The following FHDC1 variants were observed in gnomAD, a reference collection of about 807,000 sequenced individuals.
The protein encoded by FHDC1 is FH2 domain containing 1, also known as FH2 domain-containing protein 1.
FHDC1 carries 25 observed loss-of-function variants against 52.6 expected under a neutral mutation model. That is an observed-to-expected ratio of 0.48 (90% CI 0.35 to 0.66). The LOEUF (loss-of-function observed/expected upper bound fraction) is 0.66, where lower values mean the gene tolerates loss of function less well. FHDC1 is among the 30% of genes least tolerant of loss of function. The pLI, the probability that FHDC1 is intolerant of heterozygous loss-of-function variation, is 0.01. For missense variants in FHDC1, 1,459 were observed against 1,452.8 expected (o/e 1.00, Z -0.07); for synonymous variants, 616 against 581.5 (o/e 1.06, Z -0.85).
Position 152,968,214 on chromosome 4 carries a change from C to T in FHDC1, c.1218+117C>T. ...AGCAGTTCCCATTCATATTTTTTTT[C>T]TCCAAGTTAGTCAGAGGAACTTGGT... is the stretch of plus-strand genomic sequence containing the variant. On this transcript the variant is annotated intron_variant, in intron 10 of 11. Coordinates refer to ENST00000511601, the MANE Select transcript of FHDC1 (RefSeq NM_001371116.1). 4.2e-6 allele frequency: 3 copies of T among 707,978 alleles called. No homozygotes were observed. In the South Asian group the frequency reaches 5.6e-5, roughly 13 times the overall value. 43.9% of individuals were successfully genotyped at this position (707,978 alleles called of 1,614,324 possible).
At chr4:152,971,786 C>T (rs62319480) in intron 10 of FHDC1, among the ~76,000 whole-genome samples, 4,396 of 152,310 alleles carry the variant, frequency 0.029, 93 homozygotes, top group Non-Finnish European at 0.042. Context: ...GGGAGGAATA[C>T]AGGCATGGCC....
intron 11 of FHDC1, 118 bp downstream of exon 11, chr4:152,972,659 C>A: frequency 8.2e-7 from 1 of 1,213,906 alleles, no homozygotes; most frequent in Non-Finnish European, 1.1e-6. Context: ...TCGGGGACAT[C>A]TGGCCCAGGT....
intron 2 of FHDC1, 78 bp downstream of exon 2, chr4:152,943,633 A>T: frequency 6.8e-7 from 1 of 1,470,540 alleles, no homozygotes; most frequent in Non-Finnish European, 9.2e-7. Flanking sequence ...CATTTCAAAT[A>T]ATTGCTAGAC....
the FHDC1 span, among the ~76,000 whole-genome samples, chr4:152,923,706 A>G: frequency 4.6e-5 from 7 of 152,318 alleles, no homozygotes; most frequent in South Asian, 8.3e-4. Flanking sequence ...AACGCCGCAT[A>G]TCTACAACTA....
chr4:152,958,500 A>T (rs893045368), intron 4 of FHDC1, among the ~76,000 whole-genome samples: 3 of 151,558 alleles, frequency 2.0e-5, no homozygotes, highest in South Asian at 2.1e-4. Flanking sequence ...AAATCCATAC[A>T]TTTTTTTTAG....
In FHDC1 at chr4:152,976,775, T is replaced by A. The variant is rs746370438; in HGVS notation, c.*52T>A. On this transcript the variant is annotated 3_prime_UTR_variant, in exon 12 of 12. Coordinates refer to ENST00000511601, the MANE Select transcript of FHDC1 (RefSeq NM_001371116.1). ...GGGATTCAGACGGTGAAGACTGACT[T>A]CTGGGACGAGGATGGGGAAAGAGGC... 1 of 1,444,660 alleles carries A rather than the reference T, an allele frequency of 6.9e-7. No individual in the cohort carries two copies. The highest frequency in any genetic ancestry group is 9.1e-7 in the Non-Finnish European group (1 of 1,094,874). The allele number at this position is 1,444,660 out of a possible 1,614,324, so 89.5% of individuals were successfully genotyped here.
the FHDC1 span, among the ~76,000 whole-genome samples, chr4:152,928,503 G>C: frequency 2.6e-4 from 39 of 152,318 alleles, no homozygotes; most frequent in Non-Finnish European, 4.1e-4. Flanking sequence ...AATGCCCTAG[G>C]AGAATAGGCA....
chr4:152,962,946 TGTGTGTGTGTGTGTG>T, intron 7 of FHDC1, 62 bp downstream of exon 7: 2 of 1,234,156 alleles, frequency 1.6e-6, no homozygotes, highest in Non-Finnish European at 2.3e-6. Context: ...TAAAGGTGTG[TGTGTGTGTGTGTGTG>T]TGTGTGTGTG....
chr4:152,953,832 C>G (rs561483230), intron 3 of FHDC1, among the ~76,000 whole-genome samples: 2 of 152,334 alleles, frequency 1.3e-5, no homozygotes, highest in Admixed American at 1.3e-4. Context: ...TAGTGTTGCC[C>G]CTTCAGTGGA....
intron 4 of FHDC1, among the ~76,000 whole-genome samples, chr4:152,955,330 A>G (rs1213907537): frequency 6.6e-6 from 1 of 152,154 alleles, no homozygotes; most frequent in Non-Finnish European, 1.5e-5. Flanking sequence ...AACCCAGAAA[A>G]ACAGTTGTAT....
chr4:152,941,434 T>C (rs1739569820), intron 1 of FHDC1, among the ~76,000 whole-genome samples: 1 of 152,244 alleles, frequency 6.6e-6, no homozygotes, highest in African/African-American at 2.4e-5. Flanking sequence ...TTATAAATAA[T>C]AGCTAACTAT....
At chr4:152,970,560 T>C (rs1371957737) in intron 10 of FHDC1, among the ~76,000 whole-genome samples, 1 of 152,216 alleles carries the variant, frequency 6.6e-6, no homozygotes, top group African/African-American at 2.4e-5. Context: ...TAGATTCTTG[T>C]CAAGAGGCCT....
intron 10 of FHDC1, among the ~76,000 whole-genome samples, 187 bp from the exon 11 acceptor site, chr4:152,972,190 G>A (rs1190730160): frequency 1.3e-5 from 2 of 152,078 alleles, no homozygotes; most frequent in African/African-American, 2.4e-5. Flanking sequence ...TGCTTTCCCC[G>A]AGGTTTGTTC....
chr4:152,913,002 T>C, the FHDC1 span, among the ~76,000 whole-genome samples: 4 of 152,360 alleles, frequency 2.6e-5, no homozygotes, highest in East Asian at 7.7e-4. Flanking sequence ...TAACACACTT[T>C]TTTTTTAACA....
At chr4:152,948,325 A>G (rs1739798638) in intron 2 of FHDC1, among the ~76,000 whole-genome samples, 1 of 152,248 alleles carries the variant, frequency 6.6e-6, no homozygotes, top group South Asian at 2.1e-4. Flanking sequence ...ATGCTAAATA[A>G]GCCAGTCGCA....
At chr4:152,925,033 TAA>T in the FHDC1 span, among the ~76,000 whole-genome samples, 1 of 151,668 alleles carries the variant, frequency 6.6e-6, no homozygotes, top group East Asian at 1.9e-4. Context: ...GAAAAATAAA[TAA>T]AAAATTAAAT....
chr4:152,949,254 T>C (rs190053494), intron 2 of FHDC1, among the ~76,000 whole-genome samples: 203 of 151,938 alleles, frequency 1.3e-3, no homozygotes, highest in African/African-American at 4.7e-3. Context: ...GACAGGAGGA[T>C]AGCTTGCGGC....
chr4:152,958,149 C>T (rs189440361), intron 4 of FHDC1, among the ~76,000 whole-genome samples: 29 of 152,234 alleles, frequency 1.9e-4, no homozygotes, highest in Admixed American at 9.8e-4. Flanking sequence ...AGCCATGTGA[C>T]TGGAATTAGA....
chr4:152,940,248 C>G (rs1579079488), intron 1 of FHDC1, among the ~76,000 whole-genome samples: 1 of 152,364 alleles, frequency 6.6e-6, no homozygotes, highest in Middle Eastern at 3.4e-3. Context: ...TGCTGGCGAA[C>G]CTATTCATTA....
Sources: gnomAD v4.1 joint callset for allele counts (sites outside exome capture counted in the v4.1 genomes callset) on GRCh38, gnomAD v4.1.1 for gene constraint, MANE v1.5 for transcripts, NCBI Gene and HGNC (gene_info 2026-07-23, HGNC 2026-07-21) for gene names.